Variants in NOL9 observed in about 807,000 individuals in gnomAD.
NOL9 encodes nucleolar protein 9.
NOL9 carries 28 observed loss-of-function variants against 67.9 expected under a neutral mutation model. That is an observed-to-expected ratio of 0.41 (90% confidence interval 0.31 to 0.57). The LOEUF (loss-of-function observed/expected upper bound fraction) is 0.57, where lower values mean the gene tolerates loss of function less well. Ranked by LOEUF, NOL9 falls within the 20% of genes least tolerant of loss-of-function variation. NOL9 has a pLI of 0.25. For missense variants in NOL9, 777 were observed against 897.0 expected (o/e 0.87, Z 1.71); for synonymous variants, 356 against 352.2 (o/e 1.01, Z -0.12).
intron 5 of NOL9, among the ~76,000 whole-genome samples, 172 bp from the exon 6 acceptor site, chr1:6,542,099 G>A (rs1639305205): frequency 6.6e-6 from 1 of 151,540 alleles, no homozygotes; most frequent in Admixed American, 6.6e-5. Context: ...CGAGTCCAGA[G>A]AAACGCAGTG....
At chr1:6,550,681 A>ATT in intron 1 of NOL9, 66 bp from the exon 2 acceptor site, 5 of 1,002,456 alleles carry the variant, frequency 5.0e-6, no homozygotes, top group Admixed American at 3.3e-5. Context: ...ACATTCTAAA[A>ATT]TCTTTTTTTT....
In NOL9 at chr1:6,531,222, TTTTTC is replaced by T. The variant is rs201632124; in HGVS notation, c.1647+741_1647+745del. ...ACAGTAATGTGAAGTACTTCTTTTT[TTTTTC>T]TTTTAAGTCGGCATCTCGCTCTGTC... On this transcript the variant is annotated intron_variant, in intron 9 of 11. Transcript: ENST00000377705. 7.1e-3 allele frequency among the ~76,000 whole-genome samples: 1,083 copies of T among 152,218 alleles called. 12 individuals are homozygous for T. The highest frequency in any genetic ancestry group is 0.025 in the African/African-American group (1,023 of 41,524).
rs564188144 is a variant in NOL9 at position 6,532,198 on chromosome 1, CT to C, written c.1536-120del. The C allele has an allele frequency of 1.0e-3, 852 of 815,976 alleles. 1 individual carries two copies. Among genetic ancestry groups the C allele is most frequent in the Non-Finnish European group, 1.5e-3 (747 of 500,220 alleles). 50.5% of individuals were successfully genotyped at this position (815,976 alleles called of 1,614,324 possible). The stretch of plus-strand genomic sequence containing the variant: ...ACTGGGCTTTCCAACACTGCCCCCC[CT>C]TGACGGACCCCAACTGGAAAAACAG... On this transcript the variant is annotated intron_variant, in intron 8 of 11. Transcript: ENST00000377705.
chr1:6,545,221 AT>A (rs763404901), intron 3 of NOL9, 41 bp from the exon 4 acceptor site: 40 of 1,583,370 alleles, frequency 2.5e-5, no homozygotes, highest in Middle Eastern at 1.7e-4. Context: ...AAAAATGCAT[AT>A]TTTTTTCTTC....
At chr1:6,542,732 C>T (rs866933133) in intron 5 of NOL9, among the ~76,000 whole-genome samples, 4 of 152,100 alleles carry the variant, frequency 2.6e-5, no homozygotes, top group South Asian at 4.1e-4. Flanking sequence ...GCTGGGATTA[C>T]AGGCATGAGC....
At position 6,528,676 on chromosome 1, in the gene NOL9, A is replaced by G. The variant is rs11122081; in HGVS notation, c.1825+318T>C. Among the ~76,000 whole-genome samples, 1,369 of 152,356 alleles carry G rather than the reference A, an allele frequency of 9.0e-3. 14 individuals carry two copies. The highest frequency in any genetic ancestry group is 0.035 in the East Asian group (184 of 5,184). ...CAGACGAACAGCTGTGTTGGAGGAC[A>G]CTGCAAAAAGGCAACGCCTAAAATG... On this transcript the variant is annotated intron_variant, in intron 10 of 11. Coordinates refer to ENST00000377705, the MANE Select transcript of NOL9 (RefSeq NM_024654.5).
At chr1:6,553,079 C>G (rs992207755) in intron 1 of NOL9, among the ~76,000 whole-genome samples, 8 of 152,050 alleles carry the variant, frequency 5.3e-5, no homozygotes, top group African/African-American at 1.9e-4. Context: ...CCCAAAGTGC[C>G]GGGACTACAG....
chr1:6,532,299 G>T, intron 8 of NOL9, 164 bp downstream of exon 8: 1 of 757,730 alleles, frequency 1.3e-6, no homozygotes, highest in Non-Finnish European at 2.1e-6. Flanking sequence ...TATTTCCACT[G>T]GGAACATAAC....
intron 5 of NOL9, among the ~76,000 whole-genome samples, chr1:6,542,526 T>C (rs4908916): frequency 0.81 from 121,957 of 150,874 alleles, 50,072 homozygotes; most frequent in Non-Finnish European, 0.87. Context: ...GGCGCGATCT[T>C]GGCTCACTAT....
chr1:6,526,117 T>C, intron 11 of NOL9, 114 bp from the exon 12 acceptor site: 1 of 926,660 alleles, frequency 1.1e-6, no homozygotes, highest in Non-Finnish European at 1.7e-6. Flanking sequence ...GGGTGGGGAC[T>C]TCTCACTTTT....
At chr1:6,528,734 A>AG (rs1179842398) in intron 10 of NOL9, among the ~76,000 whole-genome samples, 25 of 152,236 alleles carry the variant, frequency 1.6e-4, no homozygotes, top group Non-Finnish European at 1.6e-4. Flanking sequence ...GAGACAGCCT[A>AG]GGGGAGAAGT....
intron 4 of NOL9, 48 bp downstream of exon 4, chr1:6,544,997 G>A: frequency 6.2e-7 from 1 of 1,613,992 alleles, no homozygotes; most frequent in African/African-American, 1.3e-5. Flanking sequence ...ATCTTCCTCT[G>A]GGGGTCTGGT....
intron 10 of NOL9, among the ~76,000 whole-genome samples, chr1:6,528,761 A>T (rs1638949543): frequency 6.6e-6 from 1 of 152,234 alleles, no homozygotes. Flanking sequence ...CAAGAAGAGG[A>T]GGGCCAAGCC....
intron 5 of NOL9, among the ~76,000 whole-genome samples, chr1:6,544,088 T>G (rs1226671291): frequency 6.6e-6 from 1 of 151,966 alleles, no homozygotes; most frequent in Non-Finnish European, 1.5e-5. Flanking sequence ...AACATGCCAT[T>G]GCACTCCAGC....
intron 9 of NOL9, 119 bp from the exon 10 acceptor site, chr1:6,529,290 A>G: frequency 1.1e-6 from 1 of 893,330 alleles, no homozygotes; most frequent in Non-Finnish European, 1.7e-6. Flanking sequence ...ACTCAAAAGT[A>G]TCTCTAAAGA....
intron 9 of NOL9, among the ~76,000 whole-genome samples, chr1:6,531,560 G>C (rs112601321): frequency 0.011 from 1,749 of 152,190 alleles, 27 homozygotes; most frequent in African/African-American, 0.039. Flanking sequence ...GTTCCACTGT[G>C]AACGCTCCCT....
intron 2 of NOL9, among the ~76,000 whole-genome samples, chr1:6,550,135 G>A (rs561255513): frequency 7.2e-5 from 11 of 152,110 alleles, no homozygotes; most frequent in Admixed American, 6.6e-4. Context: ...GGGTTCAAGC[G>A]ATTCTCCTGT....
Position 6,534,225 on chromosome 1 carries a change from G to C in NOL9, c.1076-784C>G, listed in dbSNP as rs574805321. Among the ~76,000 whole-genome samples the C allele has an allele frequency of 5.9e-5, 9 of 152,286 alleles. No individual in the cohort carries two copies. The South Asian group carries it at 1.9e-3, about 32-fold the overall frequency. ...TTTCATAACCCTGTGGCAGGTAGTAGTATCCTCATTTTTACAGATGAGGAA... is the reference window on the plus strand; with the variant it reads ...TTTCATAACCCTGTGGCAGGTAGTACTATCCTCATTTTTACAGATGAGGAA... On this transcript the variant is annotated intron_variant, in intron 6 of 11. Coordinates refer to ENST00000377705, the MANE Select transcript of NOL9 (RefSeq NM_024654.5).
At position 6,532,579 on chromosome 1, in the gene NOL9, T is replaced by C. The variant is rs988941333; in HGVS notation, c.1419A>G (p.Ala473=). ...KMRNRRFRLA[A]FADALEFADE... ...CAGCAAATTCCAAAGCATCTGCAAA[T>C]GCTGCGAGTCTGAAACGTCGATTTC... The change falls in exon 8 of 12, where the codon GCA becomes GCG. Residue 473 remains alanine (A), a synonymous_variant. Transcript: ENST00000377705. 1 of 1,614,216 alleles carries C rather than the reference T, an allele frequency of 6.2e-7. No homozygotes were observed.
Sources: gnomAD v4.1 joint callset for allele counts (sites outside exome capture counted in the v4.1 genomes callset) on GRCh38, gnomAD v4.1.1 for gene constraint, MANE v1.5 for transcripts, NCBI Gene and HGNC (gene_info 2026-07-23, HGNC 2026-07-21) for gene names.